Variants in ASIC2 observed in about 807,000 individuals in gnomAD.
ASIC2 encodes the protein acid sensing ion channel subunit 2, also known as acid-sensing ion channel 2.
A neutral mutation model predicts 57.3 loss-of-function variants in ASIC2; 25 were observed. The observed-to-expected ratio is 0.44, with a 90% CI of 0.32 to 0.61. The LOEUF (loss-of-function observed/expected upper bound fraction) is 0.61. Among genes scored for constraint, ASIC2 ranks in the 20% least tolerant of loss-of-function variants. ASIC2 has a pLI of 0.06. For synonymous variants in ASIC2, 319 were observed against 307.5 expected, an observed-to-expected ratio of 1.04 and a Z score of -0.39; for missense variants, 641 against 738.1, an observed-to-expected ratio of 0.87 and a Z score of 1.52.
At chr17:33,909,457 G>T (rs1262710874) in intron 1 of ASIC2, among the ~76,000 whole-genome samples, 1 of 152,242 alleles carries the variant, frequency 6.6e-6, no homozygotes, top group Admixed American at 6.5e-5. Flanking sequence ...TTTAATAAGA[G>T]AGAAAGCGGG....
At chr17:33,508,213 T>C (rs1914323738) in intron 1 of ASIC2, among the ~76,000 whole-genome samples, 1 of 151,976 alleles carries the variant, frequency 6.6e-6, no homozygotes, top group Non-Finnish European at 1.5e-5. Flanking sequence ...TCTTCTTTCC[T>C]CCTTCAGCAT....
intron 1 of ASIC2, among the ~76,000 whole-genome samples, chr17:34,102,616 C>A (rs1910906544): frequency 6.6e-6 from 1 of 152,164 alleles, no homozygotes; most frequent in Non-Finnish European, 1.5e-5. Context: ...TCAGCACTGT[C>A]TCTGAGATTT....
chr17:33,291,579 C>G lies in ASIC2; in HGVS notation c.537G>C (p.Glu179Asp). ...GCTTGCGGAACCACTGGCGGCGCGG[C>G]TCGTCGCCCCGCAGCAGCTCGCTGA... ...PLVSELLRGD[E>D]PRRQWFRKLA... Residue 179 changes from glutamate (E) to aspartate (D), a missense_variant, in exon 1 of 10, where the codon GAG (glutamate) becomes GAC (aspartate). By Grantham distance (45) the Glu-to-Asp change is conservative (BLOSUM62 2). Coordinates refer to ENST00000225823, the MANE Select transcript of ASIC2 (RefSeq NM_183377.2). 6.2e-7 allele frequency: 1 copy of G among 1,608,986 alleles called. No individual in the cohort carries two copies. The highest frequency in any genetic ancestry group is 8.5e-7 in the Non-Finnish European group (1 of 1,178,842).
At chr17:33,882,660 G>A (rs1914733127) in intron 1 of ASIC2, among the ~76,000 whole-genome samples, 1 of 152,190 alleles carries the variant, frequency 6.6e-6, no homozygotes, top group Admixed American at 6.5e-5. Flanking sequence ...CACTGTTGGT[G>A]GGACTGTAAA....
intron 6 of ASIC2, among the ~76,000 whole-genome samples, chr17:33,022,209 C>T (rs1187610679): frequency 6.6e-6 from 1 of 152,170 alleles, no homozygotes; most frequent in Non-Finnish European, 1.5e-5. Context: ...CTAACAGTTC[C>T]CTTCTTCCCA....
intron 1 of ASIC2, among the ~76,000 whole-genome samples, chr17:33,173,736 T>A (rs1252758191): frequency 6.6e-6 from 1 of 152,080 alleles, no homozygotes; most frequent in Non-Finnish European, 1.5e-5. Context: ...AAGCATAAGT[T>A]TTCTCATTGG....
At chr17:33,712,733 C>T (rs1909086566) in intron 1 of ASIC2, among the ~76,000 whole-genome samples, 2 of 147,926 alleles carry the variant, frequency 1.4e-5, no homozygotes, top group South Asian at 4.4e-4. Flanking sequence ...GCAAGCTCCG[C>T]CTCCCGGGTT....
intron 1 of ASIC2, among the ~76,000 whole-genome samples, chr17:34,078,369 AAAC>A (rs1432488406): frequency 2.0e-5 from 3 of 152,182 alleles, no homozygotes; most frequent in Non-Finnish European, 4.4e-5. Flanking sequence ...GAAGGAAAGT[AAAC>A]ACAGCTGAGC....
At chr17:33,490,462 G>A (rs1028258852) in intron 1 of ASIC2, among the ~76,000 whole-genome samples, 4 of 152,202 alleles carry the variant, frequency 2.6e-5, no homozygotes, top group African/African-American at 9.6e-5. Flanking sequence ...ACCTTGAATT[G>A]TAATGGTCAC....
At chr17:33,988,926 G>T (rs1311840723) in intron 1 of ASIC2, among the ~76,000 whole-genome samples, 4 of 152,068 alleles carry the variant, frequency 2.6e-5, no homozygotes, top group Admixed American at 2.6e-4. Context: ...GTCAGGCTGA[G>T]CCAAAACTTT....
intron 1 of ASIC2, among the ~76,000 whole-genome samples, chr17:33,813,852 G>A (rs1304707845): frequency 6.6e-6 from 1 of 152,168 alleles, no homozygotes; most frequent in Admixed American, 6.5e-5. Flanking sequence ...TGCTGCCTGG[G>A]AACAGGCACT....
chr17:33,760,163 TC>T (rs995406138), intron 1 of ASIC2, among the ~76,000 whole-genome samples: 3 of 125,470 alleles, frequency 2.4e-5, no homozygotes, highest in African/African-American at 5.4e-5. Flanking sequence ...TTATAATGAC[TC>T]AAAAAAAAAT....
chr17:33,843,673 T>A (rs1015870488), intron 1 of ASIC2, among the ~76,000 whole-genome samples: 1 of 152,220 alleles, frequency 6.6e-6, no homozygotes, highest in Admixed American at 6.5e-5. Flanking sequence ...CATCTGGCAA[T>A]CTCAGGGTAA....
At chr17:34,138,702 G>A (rs529646989) in intron 1 of ASIC2, among the ~76,000 whole-genome samples, 22 of 152,178 alleles carry the variant, frequency 1.4e-4, no homozygotes, top group East Asian at 5.8e-4. Context: ...GGGATATCAC[G>A]GGATCCAGAG....
intron 1 of ASIC2, among the ~76,000 whole-genome samples, chr17:33,180,153 A>C (rs1905920840): frequency 6.6e-6 from 1 of 152,180 alleles, no homozygotes; most frequent in Admixed American, 6.5e-5. Flanking sequence ...CTTGACCTAC[A>C]CTCTTAACTC....
intron 3 of ASIC2, among the ~76,000 whole-genome samples, chr17:33,045,681 C>A (rs181031353): frequency 1.4e-4 from 22 of 152,320 alleles, no homozygotes; most frequent in Middle Eastern, 3.4e-3. Flanking sequence ...TGTTGGGATC[C>A]TCAAGACATA....
At chr17:33,017,553 G>A (rs367569889) in intron 8 of ASIC2, 52 bp downstream of exon 8, 985 of 1,500,522 alleles carry the variant, frequency 6.6e-4, no homozygotes, top group Non-Finnish European at 7.3e-4. Flanking sequence ...CCTGGGGCAC[G>A]ATGAGGGCAC....
chr17:33,136,038 C>T (rs781196319), intron 1 of ASIC2, among the ~76,000 whole-genome samples: 2 of 152,170 alleles, frequency 1.3e-5, no homozygotes, highest in Non-Finnish European at 2.9e-5. Context: ...CCAAGAGATT[C>T]ATGTCAGTGG....
intron 1 of ASIC2, chr17:34,001,129 C>T (rs2142015358): frequency 6.6e-6 from 1 of 152,276 alleles, no homozygotes; most frequent in South Asian, 2.1e-4. Context: ...TTGGTGGGAT[C>T]ATGTTTCTAT....
Sources: allele counts gnomAD v4.1 joint callset (sites outside exome capture counted in the v4.1 genomes callset), GRCh38; gene constraint gnomAD v4.1.1; transcripts MANE v1.5; gene names NCBI Gene and HGNC (gene_info 2026-07-23, HGNC 2026-07-21).